The following TMPRSS15 variants were observed in gnomAD, a reference collection of about 807,000 sequenced individuals.
TMPRSS15 encodes the protein transmembrane serine protease 15.
TMPRSS15 carries 128 observed loss-of-function variants against 125.3 expected under a neutral mutation model. The ratio of observed to expected loss-of-function variants is 1.02; its 90% CI spans 0.89 to 1.18. The LOEUF is 1.18. Among genes scored for constraint, TMPRSS15 ranks in the 50% most tolerant of loss-of-function variants. TMPRSS15 has a pLI of 0.00. For synonymous variants in TMPRSS15, 446 were observed against 423.2 expected (o/e 1.05, Z -0.66); for missense variants, 1,283 against 1,212.7 (o/e 1.06, Z -0.86).
At chr21:18,443,340 A>G (rs958767995) in intron 1 of TMPRSS15, among the ~76,000 whole-genome samples, 1 of 152,118 alleles carries the variant, frequency 6.6e-6, no homozygotes, top group Non-Finnish European at 1.5e-5. Context: ...GGGAAGAGTG[A>G]AGCTGGCACC....
chr21:18,363,949 C>T (rs1037214156), intron 7 of TMPRSS15, among the ~76,000 whole-genome samples: 6 of 152,018 alleles, frequency 3.9e-5, no homozygotes, highest in Admixed American at 3.9e-4. Flanking sequence ...TCTCAAGGGG[C>T]TGCACTCCAA....
chr21:18,406,923 T>C (rs1333708014), upstream of TMPRSS15, among the ~76,000 whole-genome samples: 1 of 152,190 alleles, frequency 6.6e-6, no homozygotes, highest in Non-Finnish European at 1.5e-5. Flanking sequence ...AAGTGTATTA[T>C]GTTTATAGAA....
intron 1 of TMPRSS15, among the ~76,000 whole-genome samples, chr21:18,474,723 AG>A (rs1978845353): frequency 6.6e-6 from 1 of 152,226 alleles, no homozygotes; most frequent in African/African-American, 2.4e-5. Flanking sequence ...AACAAACAAA[AG>A]ATGTTACTGG....
At chr21:18,311,501 T>C (rs1359191710) in intron 18 of TMPRSS15, among the ~76,000 whole-genome samples, 1 of 152,122 alleles carries the variant, frequency 6.6e-6, no homozygotes, top group African/African-American at 2.4e-5. Context: ...TCAACATCAC[T>C]AATTACTAGA....
chr21:18,423,022 GCT>G (rs1176977001), intron 1 of TMPRSS15, among the ~76,000 whole-genome samples: 1 of 152,176 alleles, frequency 6.6e-6, no homozygotes, highest in African/African-American at 2.4e-5. Context: ...CTTAGGTCAG[GCT>G]CATATGCAGT....
intron 18 of TMPRSS15, among the ~76,000 whole-genome samples, chr21:18,312,120 A>G (rs2075106860): frequency 6.6e-6 from 1 of 152,140 alleles, no homozygotes; most frequent in Non-Finnish European, 1.5e-5. Flanking sequence ...CAACATGGTT[A>G]GTAATCACTA....
intron 3 of TMPRSS15, among the ~76,000 whole-genome samples, chr21:18,396,549 C>A (rs553774162): frequency 1.3e-5 from 2 of 151,918 alleles, no homozygotes; most frequent in South Asian, 2.1e-4. Context: ...CCGAGGTGGG[C>A]GGATCACGAG....
intron 1 of TMPRSS15, among the ~76,000 whole-genome samples, chr21:18,410,152 A>G (rs2123166816): frequency 6.6e-6 from 1 of 150,584 alleles, no homozygotes; most frequent in Non-Finnish European, 1.5e-5. Flanking sequence ...GGTTAGAGAA[A>G]GGTTTTGAGG....
At chr21:18,430,001 T>C (rs551812366) in intron 1 of TMPRSS15, among the ~76,000 whole-genome samples, 3 of 152,318 alleles carry the variant, frequency 2.0e-5, no homozygotes, top group East Asian at 3.9e-4. Context: ...GTTAAAAATA[T>C]GTATGTTGTA....
At chr21:18,356,487 A>G (rs1297719117) in intron 8 of TMPRSS15, among the ~76,000 whole-genome samples, 2 of 151,890 alleles carry the variant, frequency 1.3e-5, no homozygotes, top group East Asian at 1.9e-4. Context: ...TATATTGGTG[A>G]GTTATTAAAA....
In TMPRSS15 at chr21:18,429,418, G is replaced by C. The variant is rs1293457436; in HGVS notation, c.11-31089C>G. Among the ~76,000 whole-genome samples, 3 of 152,142 alleles carry C rather than the reference G, an allele frequency of 2.0e-5. No individual in the cohort carries two copies. In the East Asian group the frequency reaches 5.8e-4, roughly 29 times the overall value. ...GGGTGGAATGATATGGTTTGGTTCT[G>C]TGTCCCCACCCAAATCTCATCTTGA... is the stretch of plus-strand genomic sequence containing the variant. On this transcript the variant is annotated intron_variant, in intron 1 of 7. Coordinates refer to the TMPRSS15 transcript ENST00000422787.
chr21:18,418,081 T>G (rs537013416), intron 1 of TMPRSS15, among the ~76,000 whole-genome samples: 46 of 152,302 alleles, frequency 3.0e-4, no homozygotes, highest in African/African-American at 1.1e-3. Context: ...GGTAATGAAA[T>G]GTATTGCTCA....
chr21:18,356,904 G>A (rs2075630695), intron 8 of TMPRSS15, among the ~76,000 whole-genome samples: 2 of 151,880 alleles, frequency 1.3e-5, no homozygotes, highest in East Asian at 1.9e-4. Flanking sequence ...GATAAGCATG[G>A]CCTTACACAA....
At chr21:18,322,008 A>G (rs1378559075) in intron 16 of TMPRSS15, among the ~76,000 whole-genome samples, 1 of 152,228 alleles carries the variant, frequency 6.6e-6, no homozygotes, top group Non-Finnish European at 1.5e-5. Flanking sequence ...TACATTACAT[A>G]CTAATTTAAC....
intron 3 of TMPRSS15, among the ~76,000 whole-genome samples, chr21:18,393,359 C>T (rs2076006722): frequency 6.6e-6 from 1 of 152,010 alleles, no homozygotes; most frequent in South Asian, 2.1e-4. Flanking sequence ...AAATAATAAA[C>T]AAAATATACT....
intron 1 of TMPRSS15, among the ~76,000 whole-genome samples, chr21:18,422,380 A>G (rs2076194199): frequency 6.6e-6 from 1 of 152,142 alleles, no homozygotes; most frequent in Non-Finnish European, 1.5e-5. Flanking sequence ...TAAAAAAAAA[A>G]ATCACAATGT....
intron 1 of TMPRSS15, among the ~76,000 whole-genome samples, chr21:18,472,218 A>AAAAG (rs1357614354): frequency 6.6e-6 from 1 of 152,044 alleles, no homozygotes; most frequent in African/African-American, 2.4e-5. Context: ...CATATCACTA[A>AAAAG]AAAGAAATTT....
chr21:18,467,072 T>C (rs1601473060), intron 1 of TMPRSS15, among the ~76,000 whole-genome samples: 1 of 152,132 alleles, frequency 6.6e-6, no homozygotes, highest in Admixed American at 6.6e-5. Context: ...TGGAATACTA[T>C]GCAGCCATAA....
chr21:18,297,901 T>C, intron 18 of TMPRSS15, 72 bp from the exon 19 acceptor site: 4 of 1,176,176 alleles, frequency 3.4e-6, no homozygotes, highest in South Asian at 1.3e-5. Context: ...AGACTTTCAG[T>C]TCCTTAATGC....
Sources: gnomAD v4.1 joint callset for allele counts (sites outside exome capture counted in the v4.1 genomes callset) on GRCh38, gnomAD v4.1.1 for gene constraint, MANE v1.5 for transcripts, NCBI Gene and HGNC (gene_info 2026-07-23, HGNC 2026-07-21) for gene names.